Variants in CCSER1 observed in about 807,000 individuals in gnomAD.
CCSER1 encodes the protein coiled-coil serine rich protein 1.
A neutral mutation model predicts 82.0 loss-of-function variants in CCSER1; 41 were observed. That is an observed-to-expected ratio of 0.50 (90% CI 0.39 to 0.65). The LOEUF (loss-of-function observed/expected upper bound fraction) is 0.65. Among genes scored for constraint, CCSER1 ranks in the 30% least tolerant of loss-of-function variants. CCSER1 has a pLI of 0.00. For missense variants in CCSER1, 1,119 were observed against 1,064.2 expected, an observed-to-expected ratio of 1.05 and a Z score of -0.72; for synonymous variants, 414 against 383.9, an observed-to-expected ratio of 1.08 and a Z score of -0.92.
chr4:91,271,279 C>T (rs1013650585), intron 10 of CCSER1, among the ~76,000 whole-genome samples: 3 of 149,574 alleles, frequency 2.0e-5, no homozygotes, highest in South Asian at 4.2e-4. Flanking sequence ...CTTTTTTTTT[C>T]CCCATAGGTT....
chr4:91,484,784 C>T (rs1158040404), intron 10 of CCSER1, among the ~76,000 whole-genome samples: 1 of 152,108 alleles, frequency 6.6e-6, no homozygotes, highest in Non-Finnish European at 1.5e-5. Flanking sequence ...CACACAGGAA[C>T]CACTGAATCA....
chr4:91,545,424 C>G (rs1356779600), intron 10 of CCSER1, among the ~76,000 whole-genome samples: 1 of 152,172 alleles, frequency 6.6e-6, no homozygotes, highest in Non-Finnish European at 1.5e-5. Flanking sequence ...GAGCTGTAGA[C>G]TGGAGGTGTT....
chr4:90,209,509 C>T (rs939568388), intron 1 of CCSER1, among the ~76,000 whole-genome samples: 2 of 151,984 alleles, frequency 1.3e-5, no homozygotes, highest in Non-Finnish European at 2.9e-5. Context: ...TTTTGATCTG[C>T]GTATGTCTGC....
At chr4:90,402,279 C>T (rs10452167) in intron 4 of CCSER1, among the ~76,000 whole-genome samples, 13,789 of 152,224 alleles carry the variant, frequency 0.091, 1,197 homozygotes, top group African/African-American at 0.23. Flanking sequence ...GTATACTTAT[C>T]TGAAATATAT....
At chr4:91,206,903 A>G (rs555999032) in intron 10 of CCSER1, among the ~76,000 whole-genome samples, 1 of 152,016 alleles carries the variant, frequency 6.6e-6, no homozygotes, top group African/African-American at 2.4e-5. Context: ...GGCATTATTT[A>G]TATCCTATCT....
intron 7 of CCSER1, among the ~76,000 whole-genome samples, chr4:90,752,974 A>G (rs1379313991): frequency 6.6e-6 from 1 of 152,134 alleles, no homozygotes; most frequent in Non-Finnish European, 1.5e-5. Context: ...TCATCATATA[A>G]AAATGAAAAA....
chr4:91,433,463 A>G (rs568933513), intron 10 of CCSER1, among the ~76,000 whole-genome samples: 41 of 152,284 alleles, frequency 2.7e-4, no homozygotes, highest in African/African-American at 9.9e-4. Flanking sequence ...GGCAGCTTCC[A>G]GTACTGCAAC....
chr4:91,418,303 T>TTAAA (rs377360118), intron 10 of CCSER1, among the ~76,000 whole-genome samples: 18 of 113,638 alleles, frequency 1.6e-4, no homozygotes, highest in Non-Finnish European at 2.8e-4. Context: ...ATTTTTTAAT[T>TTAAA]AAAAAAAAAA....
At chr4:90,715,896 C>T (rs1179013821) in intron 6 of CCSER1, among the ~76,000 whole-genome samples, 1 of 151,862 alleles carries the variant, frequency 6.6e-6, no homozygotes, top group African/African-American at 2.4e-5. Context: ...AGATTATTCA[C>T]TTCAGCTCTG....
rs1265368381 is a variant in CCSER1, at chr4:90,437,932, T to A, written c.1604-30302T>A. On this transcript the variant is annotated intron_variant, in intron 4 of 10. Coordinates refer to ENST00000509176, the MANE Select transcript of CCSER1 (RefSeq NM_001145065.2). ...AGTTTTTATCAACAATAGTTAAAAA[T>A]ATGGACTTTGAGATAAGAGAGGCTT... Among the ~76,000 whole-genome samples, 3 of 152,284 alleles carry A rather than the reference T, an allele frequency of 2.0e-5. No homozygotes were observed. In the East Asian group the frequency reaches 5.8e-4, roughly 29 times the overall value.
chr4:91,583,790 G>C lies in CCSER1; in HGVS notation c.2218-14782G>C, dbSNP rs541145480. The stretch of plus-strand genomic sequence containing the variant: ...CAGATGTCTCCTGTGAGATAGAAGA[G>C]ATGGAAAAAGTGTCATATGCCCTCT... On this transcript the variant is annotated intron_variant, in intron 10 of 10. Coordinates refer to ENST00000509176, the MANE Select transcript of CCSER1 (RefSeq NM_001145065.2). Among the ~76,000 whole-genome samples the C allele has an allele frequency of 2.0e-5, 3 of 151,540 alleles. No homozygotes were observed. The East Asian group carries it at 5.8e-4, about 29-fold the overall frequency.
At chr4:90,765,316 A>C (rs1158760233) in intron 7 of CCSER1, among the ~76,000 whole-genome samples, 1 of 152,170 alleles carries the variant, frequency 6.6e-6, no homozygotes, top group African/African-American at 2.4e-5. Context: ...ATCCTAATGC[A>C]CTTATTAACG....
chr4:90,818,228 A>C (rs1759276905), intron 8 of CCSER1, among the ~76,000 whole-genome samples: 1 of 151,708 alleles, frequency 6.6e-6, no homozygotes, highest in Non-Finnish European at 1.5e-5. Context: ...GTAAAAAGTT[A>C]GGGACAGAAT....
chr4:90,425,624 C>A (rs1757417717), intron 4 of CCSER1, among the ~76,000 whole-genome samples: 1 of 152,206 alleles, frequency 6.6e-6, no homozygotes. Flanking sequence ...AATCTAGCCT[C>A]TATCTCCAGT....
intron 9 of CCSER1, among the ~76,000 whole-genome samples, chr4:90,953,384 A>G (rs1211657528): frequency 1.3e-5 from 2 of 151,782 alleles, no homozygotes; most frequent in East Asian, 3.8e-4. Context: ...CAAAATAAAA[A>G]TGTTCTATTT....
intron 5 of CCSER1, among the ~76,000 whole-genome samples, chr4:90,497,587 T>C (rs932386596): frequency 6.6e-6 from 1 of 152,174 alleles, no homozygotes; most frequent in Non-Finnish European, 1.5e-5. Context: ...CTTGCCAGAT[T>C]CCACAAAAGA....
At chr4:91,366,771 A>G (rs1012124041) in intron 10 of CCSER1, among the ~76,000 whole-genome samples, 1 of 152,228 alleles carries the variant, frequency 6.6e-6, no homozygotes, top group Non-Finnish European at 1.5e-5. Flanking sequence ...TAGTAACACT[A>G]TACCATTTGC....
At chr4:90,587,408 G>A (rs766273499) in intron 5 of CCSER1, among the ~76,000 whole-genome samples, 1 of 152,114 alleles carries the variant, frequency 6.6e-6, no homozygotes, top group Non-Finnish European at 1.5e-5. Context: ...TCAAGAGATC[G>A]AGTCCAATCA....
At chr4:91,296,359 T>C (rs1744161146) in intron 10 of CCSER1, among the ~76,000 whole-genome samples, 1 of 150,358 alleles carries the variant, frequency 6.7e-6, no homozygotes, top group Admixed American at 6.6e-5. Context: ...GAATCCCATA[T>C]ACTATAATTT....
Sources: gnomAD v4.1 joint callset for allele counts (sites outside exome capture counted in the v4.1 genomes callset) on GRCh38, gnomAD v4.1.1 for gene constraint, MANE v1.5 for transcripts, NCBI Gene and HGNC (gene_info 2026-07-23, HGNC 2026-07-21) for gene names.